SCAPER: variants seen among roughly 807,000 people sequenced by gnomAD.
SCAPER encodes S-phase cyclin A associated protein in the ER.
A neutral mutation model predicts 182.2 loss-of-function variants in SCAPER; 98 were observed. That is an observed-to-expected ratio of 0.54 (90% CI 0.46 to 0.64). The LOEUF (loss-of-function observed/expected upper bound fraction) is 0.64. Among genes scored for constraint, SCAPER ranks in the 30% least tolerant of loss-of-function variants. The pLI is 0.00. For synonymous variants in SCAPER, 605 were observed against 564.6 expected (o/e 1.07, Z -1.01); for missense variants, 1,432 against 1,690.0 (o/e 0.85, Z 2.68).
At chr15:76,548,569 G>C (rs1419087241) in intron 23 of SCAPER, among the ~76,000 whole-genome samples, 1 of 152,186 alleles carries the variant, frequency 6.6e-6, no homozygotes, top group Admixed American at 6.5e-5. Context: ...GCATCTGTAA[G>C]CGCCACTGGT....
intron 23 of SCAPER, among the ~76,000 whole-genome samples, chr15:76,558,533 G>T (rs1291025237): frequency 6.6e-6 from 1 of 152,182 alleles, no homozygotes; most frequent in African/African-American, 2.4e-5. Flanking sequence ...AACAGATGCT[G>T]GTGAAGTTGT....
At chr15:76,904,677 G>C (rs984850502) in intron 1 of SCAPER, 1 of 152,342 alleles carries the variant, frequency 6.6e-6, no homozygotes, top group African/African-American at 2.4e-5. Flanking sequence ...CAGCAACAGA[G>C]GCAGGAGGCT....
chr15:76,531,099 T>A (rs889936645), intron 23 of SCAPER, among the ~76,000 whole-genome samples: 1 of 152,064 alleles, frequency 6.6e-6, no homozygotes, highest in East Asian at 1.9e-4. Context: ...AACAAAAATT[T>A]AGGGCAGAAG....
chr15:76,377,182 T>G (rs1311747510), intron 28 of SCAPER, among the ~76,000 whole-genome samples: 1 of 152,202 alleles, frequency 6.6e-6, no homozygotes, highest in East Asian at 1.9e-4. Context: ...ACGTTGCACC[T>G]TGGAAGTTTC....
chr15:76,719,882 CAG>C (rs1177093463), intron 17 of SCAPER, among the ~76,000 whole-genome samples: 1 of 150,902 alleles, frequency 6.6e-6, no homozygotes, highest in Non-Finnish European at 1.5e-5. Flanking sequence ...GAATGCTTAA[CAG>C]AATTTATTGT....
rs1598011054 is a variant in SCAPER, at chr15:76,663,110, C to T, written c.2645+2543G>A. Among the ~76,000 whole-genome samples the T allele has an allele frequency of 5.3e-5, 8 of 152,154 alleles. 2 individuals carry two copies. Among genetic ancestry groups the T allele is most frequent in the Admixed American group, 5.2e-4 (8 of 15,290 alleles). On this transcript the variant is annotated intron_variant, in intron 21 of 31. Coordinates refer to ENST00000563290, the MANE Select transcript of SCAPER (RefSeq NM_020843.4). ...AATATATAAATGACTAATAAAATGA[C>T]AGCCCATTTTTTTAAATTGGGACAC...
intron 23 of SCAPER, among the ~76,000 whole-genome samples, chr15:76,556,909 G>A (rs1026749827): frequency 6.6e-6 from 1 of 152,138 alleles, no homozygotes; most frequent in South Asian, 2.1e-4. Context: ...TCAAGGAAGT[G>A]TCAGGATAAA....
chr15:76,369,649 A>G (rs2042019552), intron 29 of SCAPER, among the ~76,000 whole-genome samples: 1 of 152,224 alleles, frequency 6.6e-6, no homozygotes, highest in Non-Finnish European at 1.5e-5. Context: ...CTCTTAGCAA[A>G]TGCTCGCTTA....
intron 16 of SCAPER, among the ~76,000 whole-genome samples, chr15:76,729,905 C>A (rs953255097): frequency 1.3e-5 from 2 of 151,890 alleles, no homozygotes; most frequent in Admixed American, 1.3e-4. Flanking sequence ...GAATCCATAC[C>A]CATTCCCCAG....
chr15:76,753,895 C>T lies in SCAPER; in HGVS notation c.1779G>A (p.Met593Ile). ...KEELLDQRRR[M>I]MEEKLLHAEF... ...CAGCATGAAGTAATTTTTCTTCCAT[C>T]ATCCTGCGTCGTTGATCTAGCAATT... Residue 593 changes from methionine (M) to isoleucine (I), a missense_variant, in exon 15 of 32, where the codon ATG (methionine) becomes ATA (isoleucine). Coordinates refer to ENST00000563290, the MANE Select transcript of SCAPER (RefSeq NM_020843.4). 1.2e-6 allele frequency: 2 copies of T among 1,613,096 alleles called. No individual in the cohort carries two copies. The highest frequency in any genetic ancestry group is 1.7e-6 in the Non-Finnish European group (2 of 1,179,324).
chr15:76,718,623 A>G (rs920477512), intron 17 of SCAPER, among the ~76,000 whole-genome samples: 7 of 151,934 alleles, frequency 4.6e-5, no homozygotes, highest in Non-Finnish European at 7.4e-5. Context: ...CCTGGACAAG[A>G]GAACAAGATT....
At chr15:76,615,255 G>A (rs1025236328) in intron 22 of SCAPER, among the ~76,000 whole-genome samples, 17 of 151,672 alleles carry the variant, frequency 1.1e-4, no homozygotes, top group African/African-American at 3.9e-4. Context: ...AAGCAGCCTG[G>A]GCTACGTGGT....
intron 25 of SCAPER, among the ~76,000 whole-genome samples, chr15:76,442,792 G>C (rs1296257648): frequency 6.6e-6 from 1 of 152,106 alleles, no homozygotes; most frequent in Non-Finnish European, 1.5e-5. Flanking sequence ...CTCCATGTTA[G>C]GTGATATACC....
chr15:76,630,998 A>G (rs2053056588), intron 21 of SCAPER, among the ~76,000 whole-genome samples: 1 of 152,212 alleles, frequency 6.6e-6, no homozygotes, highest in African/African-American at 2.4e-5. Context: ...GTGTATAGAT[A>G]TTTAGGACAG....
At chr15:76,532,197 C>G (rs138119365) in intron 23 of SCAPER, among the ~76,000 whole-genome samples, 71 of 152,290 alleles carry the variant, frequency 4.7e-4, no homozygotes, top group African/African-American at 1.6e-3. Flanking sequence ...CCAGGCACAT[C>G]TGGTGCAAGA....
At chr15:76,521,086 G>A (rs1269284185) in intron 23 of SCAPER, among the ~76,000 whole-genome samples, 1 of 152,098 alleles carries the variant, frequency 6.6e-6, no homozygotes, top group African/African-American at 2.4e-5. Context: ...AGAATAAATG[G>A]TAAAAGACAG....
chr15:76,832,604 A>T (rs942291608), intron 5 of SCAPER, among the ~76,000 whole-genome samples: 1 of 152,140 alleles, frequency 6.6e-6, no homozygotes, highest in African/African-American at 2.4e-5. Flanking sequence ...CTCAAGTTCA[A>T]TTGTAATCCC....
rs1272776838 is a variant in SCAPER, at chr15:76,654,206, TC to T, written c.2645+11446del. Among the ~76,000 whole-genome samples the T allele has an allele frequency of 5.3e-5, 8 of 152,170 alleles. No individual in the cohort carries two copies. The South Asian group carries it at 1.5e-3, about 28-fold the overall frequency. On this transcript the variant is annotated intron_variant, in intron 21 of 31. Coordinates refer to ENST00000563290, the MANE Select transcript of SCAPER (RefSeq NM_020843.4). ...TCACGAGGTCAGGAGATCAAGACCA[TC>T]CTGGCTAACACGGTAAAACTCTGTC...
At chr15:76,365,141 A>G (rs2041719429) in intron 29 of SCAPER, among the ~76,000 whole-genome samples, 1 of 152,118 alleles carries the variant, frequency 6.6e-6, no homozygotes, top group South Asian at 2.1e-4. Flanking sequence ...TGAAGGAAGG[A>G]ATGAGTCTCA....
Sources: gnomAD v4.1 joint callset for allele counts (sites outside exome capture counted in the v4.1 genomes callset) on GRCh38, gnomAD v4.1.1 for gene constraint, MANE v1.5 for transcripts, NCBI Gene and HGNC (gene_info 2026-07-23, HGNC 2026-07-21) for gene names.